GABBR2: variants seen among roughly 807,000 people sequenced by gnomAD.
GABBR2 encodes G-protein coupled receptor 51.
In GABBR2, 23 loss-of-function variants were observed where a neutral mutation model predicts 105.6. The ratio of observed to expected loss-of-function variants is 0.22; its 90% CI spans 0.16 to 0.31. The LOEUF (loss-of-function observed/expected upper bound fraction) is 0.31. Among genes scored for constraint, GABBR2 ranks in the 10% least tolerant of loss-of-function variants. The pLI, the probability that GABBR2 is intolerant of heterozygous loss-of-function variation, is 1.00. For synonymous variants in GABBR2, 478 were observed against 499.7 expected (o/e 0.96, Z 0.58); for missense variants, 734 against 1,245.5 (o/e 0.59, Z 6.18).
At chr9:98,631,548 G>A (rs1266047476) in intron 1 of GABBR2, among the ~76,000 whole-genome samples, 4 of 152,278 alleles carry the variant, frequency 2.6e-5, no homozygotes, top group Non-Finnish European at 4.4e-5. Flanking sequence ...GCACATGTTA[G>A]CCATCAATCC....
At chr9:98,308,370 T>C (rs545762787) in intron 14 of GABBR2, among the ~76,000 whole-genome samples, 101 of 152,362 alleles carry the variant, frequency 6.6e-4, no homozygotes, top group Middle Eastern at 3.4e-3. Flanking sequence ...CAAGTTACAC[T>C]GAGGAAGATT....
chr9:98,524,388 AT>A (rs1255076723), intron 3 of GABBR2, among the ~76,000 whole-genome samples: 1 of 152,260 alleles, frequency 6.6e-6, no homozygotes, highest in Middle Eastern at 3.2e-3. Context: ...ACAGAAAAAA[AT>A]AGATGAATTG....
At chr9:98,690,173 T>C (rs337534) in intron 1 of GABBR2, among the ~76,000 whole-genome samples, 106,855 of 141,836 alleles carry the variant, frequency 0.75, 38,843 homozygotes, top group Middle Eastern at 0.86. Context: ...TCAAGGACTT[T>C]CCAGTGTCAT....
chr9:98,419,682 C>G (rs767721355), intron 7 of GABBR2, among the ~76,000 whole-genome samples: 4 of 152,178 alleles, frequency 2.6e-5, no homozygotes, highest in Non-Finnish European at 5.9e-5. Context: ...TCTGATACAA[C>G]CCTGCTCTGC....
intron 3 of GABBR2, among the ~76,000 whole-genome samples, 190 bp from the exon 4 acceptor site, chr9:98,496,704 T>A (rs1489052970): frequency 6.6e-6 from 1 of 152,124 alleles, no homozygotes; most frequent in African/African-American, 2.4e-5. Flanking sequence ...AGTCCCACCC[T>A]GCAACTGACA....
intron 13 of GABBR2, among the ~76,000 whole-genome samples, chr9:98,358,765 A>G (rs1223987553): frequency 6.6e-6 from 1 of 152,212 alleles, no homozygotes; most frequent in African/African-American, 2.4e-5. Flanking sequence ...CTCCAGGACC[A>G]CAGCCACACA....
intron 13 of GABBR2, among the ~76,000 whole-genome samples, chr9:98,312,906 T>C (rs1027730362): frequency 2.0e-5 from 3 of 152,228 alleles, no homozygotes; most frequent in South Asian, 4.2e-4. Context: ...GCCGCCACCA[T>C]GCCTGGCTAA....
At chr9:98,484,099 G>A (rs1224839496) in intron 4 of GABBR2, among the ~76,000 whole-genome samples, 3 of 152,154 alleles carry the variant, frequency 2.0e-5, no homozygotes, top group Admixed American at 1.3e-4. Flanking sequence ...TAGACCCTGG[G>A]CTCACCATGT....
rs1264737112 is a variant in GABBR2, at chr9:98,388,571, T to C, written c.1529+283A>G. Among the ~76,000 whole-genome samples the C allele has an allele frequency of 2.6e-5, 4 of 151,502 alleles. No homozygotes were observed. The highest frequency in any genetic ancestry group is 2.0e-4 in the Admixed American group (3 of 15,204). ...TTGGACTCTTCGATTTTATTTAACT[T>C]CCTCAAACTTATTTGACTAAACTCC... On this transcript the variant is annotated intron_variant, in intron 10 of 18. Coordinates refer to ENST00000259455, the MANE Select transcript of GABBR2 (RefSeq NM_005458.8). The surrounding 1 kb of genome is among the most constrained non-coding windows in gnomAD (Gnocchi z 4.4).
At chr9:98,421,104 G>C (rs1832775954) in intron 7 of GABBR2, among the ~76,000 whole-genome samples, 2 of 152,220 alleles carry the variant, frequency 1.3e-5, no homozygotes, top group Non-Finnish European at 2.9e-5. Flanking sequence ...CAGGGTACTA[G>C]AGTGAACTCG....
intron 2 of GABBR2, among the ~76,000 whole-genome samples, chr9:98,553,624 C>T (rs765834248): frequency 2.0e-5 from 3 of 152,118 alleles, no homozygotes; most frequent in Non-Finnish European, 4.4e-5. Flanking sequence ...AAGCTGGGAC[C>T]TGAGCTTAGA....
intron 3 of GABBR2, among the ~76,000 whole-genome samples, chr9:98,531,206 G>A (rs2131726882): frequency 6.6e-6 from 1 of 152,310 alleles, no homozygotes; most frequent in South Asian, 2.1e-4. Flanking sequence ...TCAGGAGCCT[G>A]GCGTTGGCAC....
chr9:98,402,033 C>T (rs755659040), intron 8 of GABBR2, among the ~76,000 whole-genome samples: 2 of 152,136 alleles, frequency 1.3e-5, no homozygotes, highest in Non-Finnish European at 2.9e-5. Context: ...ACAATTATGT[C>T]GTTAGAGTGA....
At chr9:98,535,895 T>C (rs952540622) in intron 3 of GABBR2, among the ~76,000 whole-genome samples, 6 of 152,202 alleles carry the variant, frequency 3.9e-5, no homozygotes, top group African/African-American at 1.4e-4. Flanking sequence ...AATGATACTA[T>C]AATGATGAAT....
At chr9:98,596,092 TA>T (rs1214220510) in intron 1 of GABBR2, among the ~76,000 whole-genome samples, 1 of 152,250 alleles carries the variant, frequency 6.6e-6, no homozygotes, top group Non-Finnish European at 1.5e-5. Flanking sequence ...CTCTGTAGCT[TA>T]ATGGTCAAGG....
intron 13 of GABBR2, among the ~76,000 whole-genome samples, chr9:98,328,237 C>A (rs924997570): frequency 6.6e-5 from 10 of 151,924 alleles, no homozygotes; most frequent in African/African-American, 2.4e-4. Flanking sequence ...GCATCTCACT[C>A]CATGCTAGGG....
intron 1 of GABBR2, among the ~76,000 whole-genome samples, chr9:98,611,616 G>T (rs1829508620): frequency 6.6e-6 from 1 of 152,218 alleles, no homozygotes; most frequent in African/African-American, 2.4e-5. Context: ...GCAAGGAAGA[G>T]ATTTTCTCTC....
At position 98,608,262 on chromosome 9, in the gene GABBR2, A is replaced by G. The variant is rs1468603583; in HGVS notation, c.322-30190T>C. 4 of 574,490 alleles carry G rather than the reference A, an allele frequency of 7.0e-6. No homozygotes were observed. The African/African-American group carries it at 7.6e-5, about 11-fold the overall frequency. The allele number at this position is 574,490 out of a possible 1,614,324, so 35.6% of individuals were successfully genotyped here. A position where few individuals can be genotyped will look rare whatever the true frequency, so the allele number is the denominator to read the frequency against. ...TGATGGATTTAAGAGCATGACACAC[A>G]TTATTTTTGTTGTTGTTGTTCTTGA... On this transcript the variant is annotated intron_variant, in intron 1 of 18. Coordinates refer to ENST00000259455, the MANE Select transcript of GABBR2 (RefSeq NM_005458.8).
chr9:98,348,975 A>G (rs949018114), intron 13 of GABBR2, among the ~76,000 whole-genome samples: 5 of 152,176 alleles, frequency 3.3e-5, no homozygotes, highest in African/African-American at 1.2e-4. Flanking sequence ...AAAGAAGACT[A>G]GTGAAAGTGA....
Sources: allele counts gnomAD v4.1 joint callset (sites outside exome capture counted in the v4.1 genomes callset), GRCh38; gene constraint gnomAD v4.1.1; non-coding constraint Gnocchi (gnomAD v3.1); transcripts MANE v1.5; gene names NCBI Gene and HGNC (gene_info 2026-07-23, HGNC 2026-07-21).